The following DIAPH1 variants were observed in gnomAD, a reference collection of about 807,000 sequenced individuals.
DIAPH1 encodes the protein diaphanous related formin 1, also known as protein diaphanous homolog 1.
A neutral mutation model predicts 140.7 loss-of-function variants in DIAPH1; 46 were observed. The ratio of observed to expected loss-of-function variants is 0.33; its 90% CI spans 0.26 to 0.42. The LOEUF (loss-of-function observed/expected upper bound fraction) is 0.42. Ranked by LOEUF, DIAPH1 falls within the 10% of genes least tolerant of loss-of-function variation. The pLI is 1.00. For missense variants in DIAPH1, 1,310 were observed against 1,558.7 expected, an observed-to-expected ratio of 0.84 and a Z score of 2.69; for synonymous variants, 565 against 551.6, an observed-to-expected ratio of 1.02 and a Z score of -0.34.
intron 18 of DIAPH1, among the ~76,000 whole-genome samples, chr5:141,554,007 G>A (rs1457303532): frequency 3.9e-5 from 6 of 152,146 alleles, no homozygotes; most frequent in African/African-American, 1.4e-4. Context: ...GGCAGGGCGC[G>A]GTGGCTCATG....
chr5:141,529,803 G>T (rs2099887923), intron 19 of DIAPH1, 106 bp from the exon 20 acceptor site: 2 of 985,938 alleles, frequency 2.0e-6, no homozygotes, highest in Non-Finnish European at 3.2e-6. Flanking sequence ...GCTCTTTTAG[G>T]CCAGGCACAG....
intron 1 of DIAPH1, among the ~76,000 whole-genome samples, chr5:141,602,206 C>A (rs1471631469): frequency 1.3e-5 from 2 of 152,024 alleles, no homozygotes; most frequent in Admixed American, 6.6e-5. Context: ...CCTGATCTAG[C>A]TTTGCCACAA....
intron 18 of DIAPH1, among the ~76,000 whole-genome samples, chr5:141,538,807 A>G (rs1016640313): frequency 5.9e-5 from 9 of 152,164 alleles, no homozygotes; most frequent in Non-Finnish European, 1.2e-4. Context: ...GGCTCAAGCA[A>G]TCCACCAACC....
intron 18 of DIAPH1, among the ~76,000 whole-genome samples, chr5:141,543,822 GA>G (rs1485533444): frequency 1.3e-5 from 2 of 152,094 alleles, no homozygotes; most frequent in Non-Finnish European, 2.9e-5. Context: ...CTTTAAAGAT[GA>G]ATTTTATCAT....
intron 27 of DIAPH1, chr5:141,519,102 C>T: frequency 9.6e-7 from 1 of 1,039,842 alleles, no homozygotes. Flanking sequence ...TTCACAAAAC[C>T]ATTTATTGGA....
In DIAPH1 at chr5:141,618,826, C is replaced by T; in HGVS notation, c.89G>A (p.Gly30Asp). 6.5e-7 allele frequency: 1 copy of T among 1,549,922 alleles called. No individual in the cohort carries two copies. Among genetic ancestry groups the T allele is most frequent in the South Asian group, 1.2e-5 (1 of 83,284 alleles). Reference protein sequence around the residue: ...GRSPDELPSAGGDGGKSKKFT... With the variant: ...GRSPDELPSADGDGGKSKKFT... ...TTTCTTAGATTTGCCGCCGTCGCCG[C>T]CCGCCGAGGGCAGCTCATCTGGGCT... Residue 30 changes from glycine (G) to aspartate (D), a missense_variant, in exon 1 of 28, where the codon GGC becomes GAC. Coordinates refer to ENST00000389054, the MANE Select transcript of DIAPH1 (RefSeq NM_005219.5).
intron 18 of DIAPH1, among the ~76,000 whole-genome samples, chr5:141,556,502 A>G (rs2099892599): frequency 6.6e-6 from 1 of 152,158 alleles, no homozygotes; most frequent in Admixed American, 6.5e-5. Flanking sequence ...TTTGGGTAAC[A>G]GATTATCACG....
intron 18 of DIAPH1, among the ~76,000 whole-genome samples, chr5:141,559,457 T>C (rs1010170469): frequency 2.6e-5 from 4 of 152,130 alleles, no homozygotes; most frequent in African/African-American, 9.7e-5. Flanking sequence ...CAAACTGGCA[T>C]TAATGAACAA....
chr5:141,590,833 A>G (rs1267805417), intron 1 of DIAPH1, among the ~76,000 whole-genome samples: 2 of 151,632 alleles, frequency 1.3e-5, no homozygotes, highest in Non-Finnish European at 2.9e-5. Context: ...GTCTACTAGC[A>G]CTACCTAAGT....
intron 18 of DIAPH1, among the ~76,000 whole-genome samples, chr5:141,556,174 C>A (rs965619395): frequency 6.6e-6 from 1 of 152,166 alleles, no homozygotes; most frequent in Non-Finnish European, 1.5e-5. Flanking sequence ...ATATTATAAT[C>A]CTGAAGCCAT....
chr5:141,608,757 A>C lies in DIAPH1; in HGVS notation c.117+10041T>G, dbSNP rs1404436533. Among the ~76,000 whole-genome samples, 6 of 152,366 alleles carry C rather than the reference A, an allele frequency of 3.9e-5. No individual in the cohort carries two copies. In the East Asian group the frequency reaches 1.2e-3, roughly 29 times the overall value. ...TAAAGAACAAACTTCAGCAGTTCCC[A>C]GACTCAGAAGAGATCCTGGTTATTA... On this transcript the variant is annotated intron_variant, in intron 1 of 27. Coordinates refer to ENST00000389054, the MANE Select transcript of DIAPH1 (RefSeq NM_005219.5).
In DIAPH1 at chr5:141,618,954, G is replaced by A. The variant is rs929755348; in HGVS notation, c.-40C>T. The A allele has an allele frequency of 2.8e-5, 35 of 1,237,744 alleles. No individual in the cohort carries two copies. Among genetic ancestry groups the A allele is most frequent in the African/African-American group, 2.4e-4 (15 of 62,856 alleles). 76.7% of individuals were successfully genotyped at this position (1,237,744 alleles called of 1,614,324 possible). ...TGGCCGGCGACCCCGCGCCTACGCCGCTCCCGCCTGGCAGCTCCGCGCCCG... is the reference window on the plus strand; with the variant it reads ...TGGCCGGCGACCCCGCGCCTACGCCACTCCCGCCTGGCAGCTCCGCGCCCG... On this transcript the variant is annotated 5_prime_UTR_variant, in exon 1 of 28. Coordinates refer to ENST00000389054, the MANE Select transcript of DIAPH1 (RefSeq NM_005219.5).
rs2099887564 is a variant in DIAPH1, at chr5:141,527,596, C to T, written c.3250G>A (p.Asp1084Asn). 2 of 1,599,754 alleles carry T rather than the reference C, an allele frequency of 1.3e-6. No homozygotes were observed. The highest frequency in any genetic ancestry group is 2.7e-5 in the African/African-American group (2 of 73,226). The change falls in exon 24 of 28, where the codon GAC becomes AAC. Residue 1084 changes from aspartate (D) to asparagine (N), a missense_variant. Asp to Asn is a conservative substitution (Grantham distance 23). Coordinates refer to ENST00000389054, the MANE Select transcript of DIAPH1 (RefSeq NM_005219.5). ...ATGGTCATTTTTTCAACAAACTTGT[C>T]TTTTTCATCTGTGGCAGCTGGGAAA... is the stretch of plus-strand genomic sequence containing the variant. ...QNFPAATDEKDKFVEKMTSFV... is the reference protein window; with the variant it reads ...QNFPAATDEKNKFVEKMTSFV...
At chr5:141,519,120 C>T (rs2099886141) in intron 27 of DIAPH1, 1 of 897,824 alleles carries the variant, frequency 1.1e-6, no homozygotes, top group Admixed American at 2.0e-5. Flanking sequence ...GGATTATGAA[C>T]ATAAACTAAT....
intron 1 of DIAPH1, among the ~76,000 whole-genome samples, chr5:141,605,953 T>C (rs2099900869): frequency 6.6e-6 from 1 of 152,142 alleles, no homozygotes; most frequent in African/African-American, 2.4e-5. Context: ...ACTCCCATCT[T>C]TTAAAAATAC....
chr5:141,610,448 G>A (rs1178147391), intron 1 of DIAPH1, among the ~76,000 whole-genome samples: 2 of 151,924 alleles, frequency 1.3e-5, no homozygotes, highest in African/African-American at 4.8e-5. Flanking sequence ...TTACAGGCAC[G>A]CACCACCACG....
intron 15 of DIAPH1, 113 bp downstream of exon 15, chr5:141,574,853 TA>T: frequency 8.8e-7 from 1 of 1,132,142 alleles, no homozygotes; most frequent in Non-Finnish European, 1.3e-6. Context: ...ACCATGTAAC[TA>T]GATTACCTAT....
At chr5:141,578,185 A>G in intron 11 of DIAPH1, 40 bp downstream of exon 11, 2 of 1,422,436 alleles carry the variant, frequency 1.4e-6, no homozygotes, top group Admixed American at 3.3e-5. Flanking sequence ...AAATACAATG[A>G]ATGTCTCATC....
intron 18 of DIAPH1, among the ~76,000 whole-genome samples, chr5:141,548,301 AC>A (rs1205273688): frequency 6.6e-6 from 1 of 152,054 alleles, no homozygotes; most frequent in Non-Finnish European, 1.5e-5. Context: ...AAAAGAAAAA[AC>A]ATCTTCCAAA....
Sources: allele counts gnomAD v4.1 joint callset (sites outside exome capture counted in the v4.1 genomes callset), GRCh38; gene constraint gnomAD v4.1.1; transcripts MANE v1.5; gene names NCBI Gene and HGNC (gene_info 2026-07-23, HGNC 2026-07-21).